CALR3: variants seen among roughly 807,000 people sequenced by gnomAD.
CALR3 encodes calreticulin-3.
A neutral mutation model predicts 48.7 loss-of-function variants in CALR3; 39 were observed. The ratio of observed to expected loss-of-function variants is 0.80; its 90% CI spans 0.62 to 1.05. The LOEUF is 1.05. Among genes scored for constraint, CALR3 ranks in the 50% least tolerant of loss-of-function variants. The pLI is 0.00. For synonymous variants in CALR3, 185 were observed against 172.7 expected, an observed-to-expected ratio of 1.07 and a Z score of -0.56; for missense variants, 449 against 474.7, an observed-to-expected ratio of 0.95 and a Z score of 0.50.
rs772004043 is a variant in CALR3 at position 16,483,976 on chromosome 19, G to A, written c.632C>T (p.Pro211Leu). The A allele has an allele frequency of 5.0e-5, 80 of 1,613,830 alleles. No individual in the cohort carries two copies. Among genetic ancestry groups the A allele is most frequent in the Non-Finnish European group, 6.2e-5 (73 of 1,180,010 alleles). Reference sequence around the variant, plus strand: ...CTGTTCCCAATCCTTCGATTCTGCCGGGGACGTTTCCTTCTTGAGTGATGT... The same window carrying A: ...CTGTTCCCAATCCTTCGATTCTGCCAGGGACGTTTCCTTCTTGAGTGATGT... ...NLTSLKKETS[P>L]AESKDWEQTK... The change falls in exon 5 of 9, where the codon CCG (proline) becomes CTG (leucine). Residue 211 changes from proline (P) to leucine (L), a missense_variant. Coordinates refer to ENST00000269881, the MANE Select transcript of CALR3 (RefSeq NM_145046.5).
chr19:16,480,298 T>C (rs1026099161), intron 8 of CALR3, among the ~76,000 whole-genome samples: 1 of 151,052 alleles, frequency 6.6e-6, no homozygotes, highest in East Asian at 2.0e-4. Context: ...ACTCCTGTAA[T>C]CCCAGCACTT....
intron 7 of CALR3, among the ~76,000 whole-genome samples, chr19:16,481,109 G>A (rs1416737824): frequency 2.6e-5 from 4 of 151,822 alleles, no homozygotes; most frequent in Admixed American, 6.6e-5. Context: ...AGTTGAGATC[G>A]TGCCACTGCA....
intron 7 of CALR3, among the ~76,000 whole-genome samples, chr19:16,481,523 G>C (rs2122126252): frequency 6.7e-6 from 1 of 148,946 alleles, no homozygotes; most frequent in East Asian, 2.0e-4. Flanking sequence ...CTGTTGCGGA[G>C]GCTGGAGTGC....
chr19:16,481,321 T>C (rs2093380320), intron 7 of CALR3, among the ~76,000 whole-genome samples: 2 of 152,280 alleles, frequency 1.3e-5, no homozygotes, highest in South Asian at 4.1e-4. Flanking sequence ...TTTTGCTCAG[T>C]AGTGTATACT....
intron 3 of CALR3, among the ~76,000 whole-genome samples, chr19:16,489,510 T>C (rs575701734): frequency 6.6e-6 from 1 of 152,118 alleles, no homozygotes; most frequent in East Asian, 1.9e-4. Flanking sequence ...TCCCAGCTAC[T>C]TGGGAGGCTG....
At chr19:16,494,764 C>T (rs2093403491) in intron 2 of CALR3, among the ~76,000 whole-genome samples, 1 of 152,178 alleles carries the variant, frequency 6.6e-6, no homozygotes. Flanking sequence ...TGACTAGTGT[C>T]TATTAAGAGG....
chr19:16,485,961 T>C (rs748697976), intron 3 of CALR3, among the ~76,000 whole-genome samples: 2 of 152,092 alleles, frequency 1.3e-5, no homozygotes, highest in African/African-American at 4.8e-5. Context: ...TCTGGTCACA[T>C]GTGTGAATAT....
At chr19:16,491,343 C>T (rs186624500) in intron 2 of CALR3, among the ~76,000 whole-genome samples, 4,045 of 148,166 alleles carry the variant, frequency 0.027, 139 homozygotes, top group Admixed American at 0.086. Flanking sequence ...AGGATGTTCT[C>T]GATCCCCTGA....
At chr19:16,482,993 C>T (rs1488186227) in intron 5 of CALR3, among the ~76,000 whole-genome samples, 5 of 151,862 alleles carry the variant, frequency 3.3e-5, no homozygotes, top group South Asian at 2.1e-4. Flanking sequence ...TACAGGCGCC[C>T]GCCATCATAC....
At chr19:16,491,849 C>G (rs775749587) in intron 2 of CALR3, among the ~76,000 whole-genome samples, 43 of 150,272 alleles carry the variant, frequency 2.9e-4, no homozygotes, top group Middle Eastern at 3.4e-3. Flanking sequence ...TCTTTCTTTT[C>G]TTTTTTCTTT....
In CALR3 at chr19:16,496,035, T is replaced by A. The variant is rs771758171; in HGVS notation, c.91+4A>T. 2 of 1,589,876 alleles carry A rather than the reference T, an allele frequency of 1.3e-6. No individual in the cohort carries two copies. The highest frequency in any genetic ancestry group is 1.7e-6 in the Non-Finnish European group (2 of 1,167,548). ...CTCCGCCACCACGGGCGTGGCCCCT[T>A]CACCTCCGTCTAGAAATTCCTCTTG... On this transcript the variant is annotated splice_donor_region_variant and intron_variant, in intron 1 of 8. Coordinates refer to ENST00000269881, the MANE Select transcript of CALR3 (RefSeq NM_145046.5).
At chr19:16,483,064 C>T (rs182933028) in intron 5 of CALR3, among the ~76,000 whole-genome samples, 30 of 152,178 alleles carry the variant, frequency 2.0e-4, no homozygotes, top group African/African-American at 7.2e-4. Context: ...AGGCTGGTCT[C>T]GAACTCCTGG....
intron 8 of CALR3, 51 bp downstream of exon 8, chr19:16,480,561 AAT>A: frequency 1.4e-6 from 2 of 1,381,588 alleles, no homozygotes; most frequent in Non-Finnish European, 2.1e-6. Context: ...AAAAAAAAAA[AAT>A]TTACACAAAT....
chr19:16,487,493 A>AAG (rs962378732), intron 3 of CALR3, among the ~76,000 whole-genome samples: 1 of 151,338 alleles, frequency 6.6e-6, no homozygotes, highest in Non-Finnish European at 1.5e-5. Flanking sequence ...AAAAAAAAAA[A>AAG]AAAAACATTT....
chr19:16,487,848 C>G (rs866500541), intron 3 of CALR3, among the ~76,000 whole-genome samples: 19 of 148,006 alleles, frequency 1.3e-4, no homozygotes, highest in Non-Finnish European at 2.2e-4. Context: ...GAGTCTCACT[C>G]TGTTGCCCAG....
chr19:16,488,276 G>T (rs1021538578), intron 3 of CALR3, among the ~76,000 whole-genome samples: 1 of 152,082 alleles, frequency 6.6e-6, no homozygotes, highest in Non-Finnish European at 1.5e-5. Context: ...TAGTGACAGG[G>T]TCTCACTATG....
chr19:16,482,843 G>A, intron 5 of CALR3, 58 bp from the exon 6 acceptor site: 1 of 1,488,674 alleles, frequency 6.7e-7, no homozygotes. Context: ...ATTTGTTGTT[G>A]TTGCTTCTGT....
rs202091414 is a variant in CALR3 at position 16,480,533 on chromosome 19, C to CA, written c.1011+80dup. On this transcript the variant is annotated intron_variant, in intron 8 of 8. Transcript: ENST00000269881. Reference sequence around the variant, plus strand: ...TGCCACTACATTACAGCCTGGGTGACAGAGCTAGACTCCATCTAAAAAAAA... The same window carrying CA: ...TGCCACTACATTACAGCCTGGGTGACAAGAGCTAGACTCCATCTAAAAAAAA... 1,516 of 901,676 alleles carry CA rather than the reference C, an allele frequency of 1.7e-3. 14 individuals carry two copies. In the African/African-American group the frequency reaches 0.022, roughly 13 times the overall value. 55.9% of individuals were successfully genotyped at this position (901,676 alleles called of 1,614,324 possible).
At chr19:16,490,700 A>G in intron 2 of CALR3, 130 bp from the exon 3 acceptor site, 1 of 822,250 alleles carries the variant, frequency 1.2e-6, no homozygotes, top group Non-Finnish European at 2.1e-6. Flanking sequence ...CTACAGTGCC[A>G]ACAGAGCATT....
Sources: gnomAD v4.1 joint callset for allele counts (sites outside exome capture counted in the v4.1 genomes callset) on GRCh38, gnomAD v4.1.1 for gene constraint, MANE v1.5 for transcripts, NCBI Gene and HGNC (gene_info 2026-07-23, HGNC 2026-07-21) for gene names.